Variants in ADGRA3 observed in about 807,000 individuals in gnomAD.
ADGRA3 encodes G-protein coupled receptor 125.
A neutral mutation model predicts 119.8 loss-of-function variants in ADGRA3; 56 were observed. The ratio of observed to expected loss-of-function variants is 0.47; its 90% CI spans 0.38 to 0.58. ADGRA3 has a LOEUF of 0.58. Among genes scored for constraint, ADGRA3 ranks in the 20% least tolerant of loss-of-function variants. The pLI, the probability that ADGRA3 is intolerant of heterozygous loss-of-function variation, is 0.00. For synonymous variants in ADGRA3, 607 were observed against 623.8 expected (o/e 0.97, Z 0.40); for missense variants, 1,516 against 1,649.0 (o/e 0.92, Z 1.40).
intron 4 of ADGRA3, among the ~76,000 whole-genome samples, chr4:22,450,044 T>A (rs1220788186): frequency 6.6e-6 from 1 of 152,094 alleles, no homozygotes; most frequent in Non-Finnish European, 1.5e-5. Flanking sequence ...TGAACACAAG[T>A]GAAGTAATTA....
intron 12 of ADGRA3, among the ~76,000 whole-genome samples, chr4:22,416,186 C>A (rs1715423593): frequency 6.6e-6 from 1 of 152,248 alleles, no homozygotes; most frequent in East Asian, 1.9e-4. Flanking sequence ...CATGAATATA[C>A]CTTCTTCCAC....
intron 1 of ADGRA3, among the ~76,000 whole-genome samples, chr4:22,505,318 G>A (rs914302154): frequency 4.6e-5 from 7 of 152,134 alleles, no homozygotes; most frequent in African/African-American, 9.7e-5. Flanking sequence ...TCTTAAAACC[G>A]TCTTGCAAAT....
intron 4 of ADGRA3, among the ~76,000 whole-genome samples, chr4:22,451,338 C>G (rs1396989364): frequency 1.3e-5 from 2 of 152,050 alleles, no homozygotes; most frequent in African/African-American, 4.8e-5. Flanking sequence ...GATCTCCTGA[C>G]ATTTCTCTGC....
chr4:22,462,244 C>G (rs1470184833), intron 2 of ADGRA3, among the ~76,000 whole-genome samples: 2 of 151,990 alleles, frequency 1.3e-5, no homozygotes, highest in Admixed American at 6.6e-5. Context: ...AAATTCATGT[C>G]TTTTGGTTGT....
chr4:22,471,692 G>A (rs1717863228), intron 2 of ADGRA3, among the ~76,000 whole-genome samples: 1 of 152,018 alleles, frequency 6.6e-6, no homozygotes, highest in African/African-American at 2.4e-5. Context: ...CCAGGTCCCA[G>A]GGTCAACACT....
In ADGRA3 at chr4:22,461,822, A is replaced by C; in HGVS notation, c.330-14T>G. On this transcript the variant is annotated splice_polypyrimidine_tract_variant and intron_variant, in intron 2 of 18. Coordinates refer to ENST00000334304, the MANE Select transcript of ADGRA3 (RefSeq NM_145290.4). ...TTTCGGAGGTCCCTGTTAAAAATAA[A>C]ATAAAAGTTATTCACATATCAACAC... 1 of 1,565,276 alleles carries C rather than the reference A, an allele frequency of 6.4e-7. No individual in the cohort carries two copies. The highest frequency in any genetic ancestry group is 8.8e-7 in the Non-Finnish European group (1 of 1,138,024).
intron 5 of ADGRA3, among the ~76,000 whole-genome samples, chr4:22,445,403 T>C (rs1235121887): frequency 6.6e-6 from 1 of 152,190 alleles, no homozygotes; most frequent in Admixed American, 6.5e-5. Context: ...CCCTCTTCTA[T>C]GCAACAAGCC....
At position 22,426,905 on chromosome 4, in the gene ADGRA3, T is replaced by C. The variant is rs551148178; in HGVS notation, c.1444-2553A>G. On this transcript the variant is annotated intron_variant, in intron 10 of 18. Coordinates refer to ENST00000334304, the MANE Select transcript of ADGRA3 (RefSeq NM_145290.4). ...TAACAGACAGATATGGGGGTGAATG[T>C]CATTCTACTAGAAGCCCTTACTTCT... 2.4e-4 allele frequency among the ~76,000 whole-genome samples: 37 copies of C among 152,292 alleles called. 1 individual carries two copies. The highest frequency in any genetic ancestry group is 8.7e-4 in the African/African-American group (36 of 41,572).
intron 12 of ADGRA3, among the ~76,000 whole-genome samples, chr4:22,414,793 C>A (rs534324553): frequency 3.9e-5 from 6 of 152,236 alleles, no homozygotes; most frequent in African/African-American, 1.4e-4. Context: ...AATTTAAGTT[C>A]TCCTATATTC....
chr4:22,476,816 A>G (rs1718061443), intron 1 of ADGRA3, among the ~76,000 whole-genome samples: 1 of 127,852 alleles, frequency 7.8e-6, no homozygotes, highest in Non-Finnish European at 1.8e-5. Flanking sequence ...ATAAGTGCCC[A>G]CCACCATACC....
chr4:22,388,166 T>C lies in ADGRA3; in HGVS notation c.3505A>G (p.Ser1169Gly), dbSNP rs1255310057. ...TTACTTCTGTTTTTATGGTGGCGGC[T>C]TGAGTGCACATTTGTTCGAAACTGA... Reference protein sequence around the residue: ...EVQFRTNVHSSRHHKNRSKGH... With the variant: ...EVQFRTNVHSGRHHKNRSKGH... The change falls in exon 19 of 19, where the codon AGC (serine) becomes GGC (glycine). Residue 1169 changes from serine (S) to glycine (G), a missense_variant. This residue lies in a region of ADGRA3 where 1,088 missense variants were observed against 1,107.1 expected (regional missense o/e 0.98). Transcript: ENST00000334304. 6.2e-7 allele frequency: 1 copy of C among 1,614,104 alleles called. No individual in the cohort carries two copies. Among genetic ancestry groups the C allele is most frequent in the Non-Finnish European group, 8.5e-7 (1 of 1,179,988 alleles).
At chr4:22,422,969 G>A (rs1715770241) in intron 11 of ADGRA3, among the ~76,000 whole-genome samples, 1 of 152,110 alleles carries the variant, frequency 6.6e-6, no homozygotes, top group African/African-American at 2.4e-5. Flanking sequence ...GCTGAGGCGG[G>A]TGGATAGCTT....
chr4:22,413,142 G>A (rs535776386), intron 14 of ADGRA3, 40 bp downstream of exon 14: 2 of 1,392,078 alleles, frequency 1.4e-6, no homozygotes, highest in Admixed American at 1.7e-5. Flanking sequence ...TAGCAAAAAT[G>A]TAGAATAGTG....
chr4:22,515,094 ACT>A (rs1045824897), intron 1 of ADGRA3, among the ~76,000 whole-genome samples: 1 of 152,172 alleles, frequency 6.6e-6, no homozygotes, highest in Non-Finnish European at 1.5e-5. Flanking sequence ...TGTTTTGCAA[ACT>A]CTACCACGTA....
At chr4:22,447,981 G>A (rs1398137754) in intron 4 of ADGRA3, among the ~76,000 whole-genome samples, 9 of 152,130 alleles carry the variant, frequency 5.9e-5, no homozygotes, top group African/African-American at 1.4e-4. Context: ...TGAGGGGAGC[G>A]GGATGAGTTC....
Position 22,456,201 on chromosome 4 carries a change from A to G in ADGRA3, c.402-1264T>C, listed in dbSNP as rs575697550. On this transcript the variant is annotated intron_variant, in intron 3 of 18. Coordinates refer to ENST00000334304, the MANE Select transcript of ADGRA3 (RefSeq NM_145290.4). ...ACTCGTTTGTTTTTTTTCCTTGACT[A>G]TTTCAAAAGTTAAAATGAGATGGTT... is the stretch of plus-strand genomic sequence containing the variant. Among the ~76,000 whole-genome samples, 9 of 152,200 alleles carry G rather than the reference A, an allele frequency of 5.9e-5. No homozygotes were observed. In the South Asian group the frequency reaches 1.9e-3, roughly 32 times the overall value.
chr4:22,462,387 C>A (rs769532415), intron 2 of ADGRA3, among the ~76,000 whole-genome samples: 2 of 152,072 alleles, frequency 1.3e-5, no homozygotes, highest in Admixed American at 6.6e-5. Flanking sequence ...GATCCTGACT[C>A]ACTGCAACCT....
chr4:22,469,854 A>G (rs1429070298), intron 2 of ADGRA3, among the ~76,000 whole-genome samples: 3 of 152,124 alleles, frequency 2.0e-5, no homozygotes, highest in Non-Finnish European at 1.5e-5. Flanking sequence ...AGTCTTTCTA[A>G]ATTTCATCCC....
chr4:22,407,009 C>T (rs1369104708), intron 14 of ADGRA3, among the ~76,000 whole-genome samples: 1 of 152,194 alleles, frequency 6.6e-6, no homozygotes, highest in African/African-American at 2.4e-5. Context: ...CAGTGGCTAA[C>T]GCCTGTAATC....
Sources: gnomAD v4.1 joint callset for allele counts (sites outside exome capture counted in the v4.1 genomes callset) on GRCh38, gnomAD v4.1.1 for gene constraint, gnomAD v4.1.1 regional missense constraint, MANE v1.5 for transcripts, NCBI Gene and HGNC (gene_info 2026-07-23, HGNC 2026-07-21) for gene names.